The following EPB41L4B variants were observed in gnomAD, a reference collection of about 807,000 sequenced individuals.
EPB41L4B encodes the protein erythrocyte membrane protein band 4.1 like 4B.
A neutral mutation model predicts 112.5 loss-of-function variants in EPB41L4B; 30 were observed. That is an observed-to-expected ratio of 0.27 (90% CI 0.20 to 0.36). EPB41L4B has a LOEUF of 0.36. Among genes scored for constraint, EPB41L4B ranks in the 10% least tolerant of loss-of-function variants. The probability of loss-of-function intolerance (pLI) is 1.00; values close to 1 mark genes in which losing one functional copy is unlikely to be tolerated. For missense variants in EPB41L4B, 1,024 were observed against 1,133.3 expected, an observed-to-expected ratio of 0.90 and a Z score of 1.38; for synonymous variants, 408 against 439.7, an observed-to-expected ratio of 0.93 and a Z score of 0.90.
intron 16 of EPB41L4B, among the ~76,000 whole-genome samples, chr9:109,214,876 T>C (rs1285189377): frequency 2.3e-4 from 35 of 152,186 alleles, no homozygotes; most frequent in Admixed American, 2.2e-3. Flanking sequence ...GTGAGAACTA[T>C]GACTTTGGCA....
At chr9:109,286,096 G>A (rs1836265725) in intron 1 of EPB41L4B, among the ~76,000 whole-genome samples, 1 of 148,986 alleles carries the variant, frequency 6.7e-6, no homozygotes, top group South Asian at 2.2e-4. Flanking sequence ...ACAGTGCCTG[G>A]CTGGCACACA....
At chr9:109,249,068 A>T (rs1308480806) in intron 13 of EPB41L4B, among the ~76,000 whole-genome samples, 53 of 147,314 alleles carry the variant, frequency 3.6e-4, no homozygotes, top group Middle Eastern at 3.5e-3. Flanking sequence ...CAAAAAAAAA[A>T]AAAAATATAT....
rs1831660317 is a variant in EPB41L4B at position 109,172,332 on chromosome 9, G to A, written c.*2222C>T. 1 of 152,254 alleles carries A rather than the reference G, an allele frequency of 6.6e-6. No homozygotes were observed. The highest frequency in any genetic ancestry group is 2.4e-5 in the African/African-American group (1 of 41,456). 9.4% of individuals were successfully genotyped at this position (152,254 alleles called of 1,614,324 possible). A position where few individuals can be genotyped will look rare whatever the true frequency, so the allele number is the denominator to read the frequency against. On this transcript the variant is annotated 3_prime_UTR_variant, in exon 26 of 26. Coordinates refer to ENST00000374566, the MANE Select transcript of EPB41L4B (RefSeq NM_019114.5). Reference sequence around the variant, plus strand: ...CAGAAAGCAGGTTAGAAGAGGAAGAGGGTGCTGGGTTGGCAAGAAGTGACA... The same window carrying A: ...CAGAAAGCAGGTTAGAAGAGGAAGAAGGTGCTGGGTTGGCAAGAAGTGACA...
chr9:109,234,100 TAA>T (rs11309784), intron 15 of EPB41L4B, among the ~76,000 whole-genome samples: 32 of 145,498 alleles, frequency 2.2e-4, no homozygotes, highest in South Asian at 2.2e-4. Flanking sequence ...CAGACTAAGT[TAA>T]AAAAAAAAAA....
intron 6 of EPB41L4B, among the ~76,000 whole-genome samples, chr9:109,260,012 A>T (rs1181091732): frequency 6.6e-6 from 1 of 152,074 alleles, no homozygotes; most frequent in African/African-American, 2.4e-5. Context: ...GGTTGGGGAG[A>T]GGGGGCACGG....
At chr9:109,295,285 G>A (rs1423008401) in intron 1 of EPB41L4B, among the ~76,000 whole-genome samples, 2 of 152,128 alleles carry the variant, frequency 1.3e-5, no homozygotes, top group African/African-American at 4.8e-5. Context: ...GAACATCAAA[G>A]CTAACTTTCT....
chr9:109,192,636 G>C (rs894010067), intron 21 of EPB41L4B, among the ~76,000 whole-genome samples: 20 of 151,912 alleles, frequency 1.3e-4, no homozygotes, highest in Admixed American at 1.1e-3. Flanking sequence ...GGTCTTTTGG[G>C]GAAAAAACAC....
At chr9:109,313,957 T>A (rs10120409) in intron 1 of EPB41L4B, among the ~76,000 whole-genome samples, 72,885 of 152,148 alleles carry the variant, frequency 0.48, 19,454 homozygotes, top group African/African-American at 0.72. Flanking sequence ...ACTGTAGATG[T>A]TGTTCCAACC....
intron 12 of EPB41L4B, among the ~76,000 whole-genome samples, chr9:109,252,405 C>A (rs1449374786): frequency 6.6e-6 from 1 of 152,328 alleles, no homozygotes; most frequent in African/African-American, 2.4e-5. Flanking sequence ...ACCCATCGCC[C>A]TTCTCTGGAC....
At chr9:109,289,377 C>A (rs957585986) in intron 1 of EPB41L4B, among the ~76,000 whole-genome samples, 4 of 152,224 alleles carry the variant, frequency 2.6e-5, no homozygotes, top group Non-Finnish European at 4.4e-5. Context: ...CCACCTGCAG[C>A]AAGCCAGTTT....
At chr9:109,229,520 T>C (rs556763954) in intron 15 of EPB41L4B, among the ~76,000 whole-genome samples, 1 of 152,326 alleles carries the variant, frequency 6.6e-6, no homozygotes, top group South Asian at 2.1e-4. Flanking sequence ...GTCATGTGTC[T>C]TCACTCCAAG....
intron 2 of EPB41L4B, among the ~76,000 whole-genome samples, chr9:109,279,145 C>T (rs571407130): frequency 6.6e-6 from 1 of 151,912 alleles, no homozygotes; most frequent in South Asian, 2.1e-4. Context: ...GGCACAGCCT[C>T]TTCTGCTGGT....
chr9:109,279,984 T>C, intron 1 of EPB41L4B, 63 bp from the exon 2 acceptor site: 1 of 1,327,048 alleles, frequency 7.5e-7, no homozygotes, highest in South Asian at 1.3e-5. Flanking sequence ...AAAAAAAAGG[T>C]TAAAAAAAAC....
At chr9:109,199,435 G>A (rs532521422) in intron 20 of EPB41L4B, among the ~76,000 whole-genome samples, 5 of 152,200 alleles carry the variant, frequency 3.3e-5, no homozygotes, top group South Asian at 2.1e-4. Context: ...TTGGGAGGTC[G>A]AGGCAGGCAG....
chr9:109,191,519 T>G (rs552963858), intron 22 of EPB41L4B, among the ~76,000 whole-genome samples: 1 of 152,106 alleles, frequency 6.6e-6, no homozygotes, highest in African/African-American at 2.4e-5. Context: ...GGCTGGACAG[T>G]CATTTGGCAG....
At chr9:109,301,353 T>A (rs1423177852) in intron 1 of EPB41L4B, among the ~76,000 whole-genome samples, 2 of 152,240 alleles carry the variant, frequency 1.3e-5, no homozygotes, top group Non-Finnish European at 2.9e-5. Context: ...TTAATTTTTT[T>A]ATACTTTTTT....
intron 5 of EPB41L4B, 65 bp downstream of exon 5, chr9:109,264,915 G>A: frequency 7.0e-7 from 1 of 1,423,054 alleles, no homozygotes; most frequent in Admixed American, 2.5e-5. Context: ...AGTTAAAACA[G>A]TGAATTATTT....
intron 1 of EPB41L4B, among the ~76,000 whole-genome samples, chr9:109,309,753 CACAGAGAGAG>C (rs1213721458): frequency 7.3e-6 from 1 of 137,532 alleles, no homozygotes; most frequent in East Asian, 2.1e-4. Context: ...GAAATACACA[CACAGAGAGAG>C]AGAGAGAGAG....
chr9:109,240,823 A>G (rs1434239083), intron 15 of EPB41L4B: 5 of 985,342 alleles, frequency 5.1e-6, no homozygotes, highest in African/African-American at 1.7e-5. Flanking sequence ...TGTATTCACA[A>G]TTATGTCTTC....
Sources: gnomAD v4.1 joint callset for allele counts (sites outside exome capture counted in the v4.1 genomes callset) on GRCh38, gnomAD v4.1.1 for gene constraint, MANE v1.5 for transcripts, NCBI Gene and HGNC (gene_info 2026-07-23, HGNC 2026-07-21) for gene names.